ZNF568: variants seen among roughly 807,000 people sequenced by gnomAD.
ZNF568 encodes the protein zinc finger protein 568, also known as p53 inhibitor of SCO2 activation.
Under a neutral mutation model 18.1 loss-of-function variants are expected in ZNF568, and 11 were observed. That is an observed-to-expected ratio of 0.61 (90% confidence interval 0.38 to 1.00). ZNF568 has a LOEUF of 1.00. ZNF568 is among the 50% of genes least tolerant of loss of function. The pLI is 0.01. For synonymous variants in ZNF568, 213 were observed against 246.6 expected (o/e 0.86, Z 1.28); for missense variants, 639 against 768.2 (o/e 0.83, Z 1.99).
intron 4 of ZNF568, among the ~76,000 whole-genome samples, chr19:36,926,408 C>T (rs941511100): frequency 6.6e-6 from 1 of 152,068 alleles, no homozygotes; most frequent in Non-Finnish European, 1.5e-5. Flanking sequence ...TCTGTTGGCG[C>T]GGTGGCCCTA....
downstream of ZNF568, among the ~76,000 whole-genome samples, chr19:36,955,138 A>G (rs2074097912): frequency 6.6e-6 from 1 of 151,946 alleles, no homozygotes; most frequent in African/African-American, 2.4e-5. Context: ...TTTTTAAAAA[A>G]TGGTTTTCGC....
chr19:36,975,681 C>CCTTTTT (rs2074278390), intron 7 of ZNF568, among the ~76,000 whole-genome samples: 1 of 75,802 alleles, frequency 1.3e-5, no homozygotes, highest in Non-Finnish European at 2.3e-5. Flanking sequence ...CGCGCCAAGA[C>CCTTTTT]TTTTTTTTTT....
At chr19:36,990,439 ACT>A (rs933917947) in intron 2 of ZNF568, among the ~76,000 whole-genome samples, 18 of 152,072 alleles carry the variant, frequency 1.2e-4, no homozygotes, top group Non-Finnish European at 1.9e-4. Flanking sequence ...TCATGGGGAA[ACT>A]CTGTCTGTAC....
At chr19:36,970,621 G>A (rs540164109) in intron 6 of ZNF568, among the ~76,000 whole-genome samples, 1 of 152,162 alleles carries the variant, frequency 6.6e-6, no homozygotes, top group South Asian at 2.1e-4. Flanking sequence ...ACAGGTATGA[G>A]CCACCATGCC....
At chr19:36,976,316 T>G (rs1263299830) in intron 7 of ZNF568, 1 of 152,212 alleles carries the variant, frequency 6.6e-6, no homozygotes, top group East Asian at 1.9e-4. Flanking sequence ...ATAGTTGGAC[T>G]TTCTTTACAG....
At chr19:36,941,223 C>G (rs2073874278) in intron 6 of ZNF568, among the ~76,000 whole-genome samples, 1 of 152,152 alleles carries the variant, frequency 6.6e-6, no homozygotes, top group Non-Finnish European at 1.5e-5. Flanking sequence ...GCTGATGGAA[C>G]TCCAGGGGCG....
chr19:36,965,040 A>G (rs997755169), intron 6 of ZNF568, among the ~76,000 whole-genome samples: 3 of 152,216 alleles, frequency 2.0e-5, no homozygotes, highest in African/African-American at 7.2e-5. Flanking sequence ...GACTTGTACA[A>G]CTGGGCTTGA....
At chr19:36,972,717 C>A (rs190383755) in intron 6 of ZNF568, among the ~76,000 whole-genome samples, 2 of 152,342 alleles carry the variant, frequency 1.3e-5, no homozygotes, top group African/African-American at 2.4e-5. Context: ...TCCTGATCCA[C>A]CCCAGAGCGC....
At chr19:36,955,007 G>A (rs571924433), downstream of ZNF568, among the ~76,000 whole-genome samples, 2 of 152,148 alleles carry the variant, frequency 1.3e-5, no homozygotes, top group South Asian at 4.2e-4. Context: ...AGCCTCCTGA[G>A]TAGCTGGGGC....
chr19:36,943,031 T>C (rs1160824088), intron 6 of ZNF568, among the ~76,000 whole-genome samples: 2 of 152,218 alleles, frequency 1.3e-5, no homozygotes, highest in South Asian at 2.1e-4. Flanking sequence ...TACCTTATTC[T>C]GGATTTGCCA....
chr19:36,936,259 A>T (rs2073788010), intron 4 of ZNF568, among the ~76,000 whole-genome samples: 1 of 152,122 alleles, frequency 6.6e-6, no homozygotes, highest in African/African-American at 2.4e-5. Flanking sequence ...TATTATTGTT[A>T]TATATGTTAC....
At chr19:36,993,662 C>G (rs1249617954) in intron 4 of ZNF568, among the ~76,000 whole-genome samples, 1 of 152,020 alleles carries the variant, frequency 6.6e-6, no homozygotes, top group African/African-American at 2.4e-5. Flanking sequence ...TCCATTTTGT[C>G]TAAGTTATCT....
intron 2 of ZNF568, among the ~76,000 whole-genome samples, chr19:36,986,270 G>A (rs749534168): frequency 1.3e-5 from 2 of 152,088 alleles, no homozygotes; most frequent in African/African-American, 4.8e-5. Context: ...CTCTAAGGGC[G>A]TGGTTCTAGA....
chr19:36,987,674 C>A (rs559791378), intron 2 of ZNF568, among the ~76,000 whole-genome samples: 1 of 151,924 alleles, frequency 6.6e-6, no homozygotes, highest in Non-Finnish European at 1.5e-5. Context: ...CAAAAGGGAG[C>A]CCAGGCCCTG....
At chr19:36,937,586 G>A (rs750325622) in intron 6 of ZNF568, among the ~76,000 whole-genome samples, 2 of 152,066 alleles carry the variant, frequency 1.3e-5, no homozygotes, top group Non-Finnish European at 2.9e-5. Flanking sequence ...ATTTTCTTAT[G>A]CATTCAGTAT....
chr19:36,957,358 A>G (rs898334374), downstream of ZNF568, among the ~76,000 whole-genome samples: 2 of 150,834 alleles, frequency 1.3e-5, no homozygotes, highest in African/African-American at 4.9e-5. Flanking sequence ...CAGCCTCCCA[A>G]GTAGCTGGGA....
chr19:36,939,729 C>T (rs971575136), intron 6 of ZNF568, among the ~76,000 whole-genome samples: 16 of 151,898 alleles, frequency 1.1e-4, no homozygotes, highest in African/African-American at 3.6e-4. Context: ...TTAGTAGAGA[C>T]GGGGTTTCAC....
chr19:36,949,191 C>T (rs1229469263), intron 6 of ZNF568, among the ~76,000 whole-genome samples: 1 of 152,068 alleles, frequency 6.6e-6, no homozygotes, highest in East Asian at 1.9e-4. Context: ...CGTTTGACTC[C>T]CTATCAGTCA....
chr19:36,964,638 C>A (rs1251598129), intron 6 of ZNF568, among the ~76,000 whole-genome samples: 1 of 151,998 alleles, frequency 6.6e-6, no homozygotes, highest in Non-Finnish European at 1.5e-5. Context: ...CATAGTGAGA[C>A]CCTGTGTCTA....
Sources: allele counts gnomAD v4.1 joint callset (sites outside exome capture counted in the v4.1 genomes callset), GRCh38; gene constraint gnomAD v4.1.1; transcripts MANE v1.5; gene names NCBI Gene and HGNC (gene_info 2026-07-23, HGNC 2026-07-21).